CLEC18B: variants seen among roughly 807,000 people sequenced by gnomAD.
CLEC18B encodes the protein mannose receptor-like 2.
In CLEC18B, 5 loss-of-function variants were observed where a neutral mutation model predicts 60.4. That is an observed-to-expected ratio of 0.08 (90% CI 0.04 to 0.17). The LOEUF is 0.17. Among genes scored for constraint, CLEC18B ranks in the 10% least tolerant of loss-of-function variants. CLEC18B has a pLI of 1.00. For missense variants in CLEC18B, 26 were observed against 572.8 expected (o/e 0.05, Z 9.74); for synonymous variants, 16 against 221.2 (o/e 0.07, Z 8.23).
chr16:74,413,353 G>C (rs1181450967), intron 4 of CLEC18B, among the ~76,000 whole-genome samples, 195 bp from the exon 5 acceptor site: 2 of 152,268 alleles, frequency 1.3e-5, no homozygotes, highest in Admixed American at 1.3e-4. Context: ...CAAACTCCCT[G>C]ATACCAGGAC....
upstream of CLEC18B, chr16:74,421,542 C>T (rs1230814612): frequency 2.0e-5 from 9 of 451,936 alleles, no homozygotes; most frequent in East Asian, 4.9e-4. Context: ...CGACAGCAGG[C>T]AGAGTGGCGT....
chr16:74,420,880 C>T (rs1327724147), intron 1 of CLEC18B, among the ~76,000 whole-genome samples: 1 of 118,478 alleles, frequency 8.4e-6, no homozygotes, highest in East Asian at 2.8e-4. Context: ...CTCCGGGCCA[C>T]GGATTTCTCC....
intron 2 of CLEC18B, among the ~76,000 whole-genome samples, chr16:74,419,158 C>T (rs903720563): frequency 6.6e-6 from 1 of 152,266 alleles, no homozygotes; most frequent in Non-Finnish European, 1.5e-5. Flanking sequence ...GTGCAGTCCC[C>T]TGATCTCCCG....
intron 2 of CLEC18B, among the ~76,000 whole-genome samples, chr16:74,418,961 T>G (rs1181675502): frequency 1.3e-5 from 2 of 152,190 alleles, no homozygotes; most frequent in Non-Finnish European, 2.9e-5. Context: ...ACCTGGCTAA[T>G]TTTTGTATTT....
intron 3 of CLEC18B, among the ~76,000 whole-genome samples, chr16:74,417,086 G>GA (rs1256577651): frequency 6.7e-6 from 1 of 149,554 alleles, no homozygotes; most frequent in African/African-American, 2.4e-5. Context: ...CCAACATGGT[G>GA]AAACCCTATC....
upstream of CLEC18B, among the ~76,000 whole-genome samples, chr16:74,423,522 C>T (rs1216109506): frequency 1.3e-5 from 2 of 152,376 alleles, no homozygotes; most frequent in African/African-American, 4.8e-5. Context: ...AATCCTGTCT[C>T]TACTAAAAAT....
intron 2 of CLEC18B, among the ~76,000 whole-genome samples, chr16:74,419,945 C>T (rs1377132535): frequency 6.6e-6 from 1 of 152,220 alleles, no homozygotes; most frequent in Non-Finnish European, 1.5e-5. Context: ...CCCGCAGCCC[C>T]AGCCGGGCTG....
At chr16:74,412,506 CAAG>C in intron 6 of CLEC18B, 1 of 767,434 alleles carries the variant, frequency 1.3e-6, no homozygotes, top group Non-Finnish European at 2.2e-6. Flanking sequence ...GGCAGTAGGG[CAAG>C]AATCCACTTC....
chr16:74,411,935 CT>C, intron 7 of CLEC18B, 160 bp from the exon 8 acceptor site: 1 of 1,344,382 alleles, frequency 7.4e-7, no homozygotes, highest in East Asian at 2.4e-5. Context: ...GAATATTGAG[CT>C]TGCTCTCTCT....
rs200102305 is a variant in CLEC18B at position 74,409,374 on chromosome 16, G to A, written c.1303+176C>T. Reference sequence around the variant, plus strand: ...GCTGTATGAAGCTGGGCCCGTCATTGCCCCTCTGGGCTCAGGAGCCCACAG... The same window carrying A: ...GCTGTATGAAGCTGGGCCCGTCATTACCCCTCTGGGCTCAGGAGCCCACAG... On this transcript the variant is annotated intron_variant, in intron 11 of 11. Transcript: ENST00000682950. Among the ~76,000 whole-genome samples the A allele has an allele frequency of 0.034, 4,080 of 120,410 alleles. No individual in the cohort carries two copies. Among genetic ancestry groups the A allele is most frequent in the Admixed American group, 0.054 (622 of 11,544 alleles). The allele number at this position is 120,410 out of a possible 152,430, so 79.0% of individuals were successfully genotyped here. A position where few individuals can be genotyped will look rare whatever the true frequency, so the allele number is the denominator to read the frequency against.
chr16:74,419,981 C>G, intron 2 of CLEC18B, among the ~76,000 whole-genome samples: 1 of 152,282 alleles, frequency 6.6e-6, no homozygotes, highest in South Asian at 2.1e-4. Flanking sequence ...CCCCCGACCC[C>G]TGGCCCCTGC....
At chr16:74,419,249 G>A (rs539416410) in intron 2 of CLEC18B, among the ~76,000 whole-genome samples, 92 of 152,172 alleles carry the variant, frequency 6.0e-4, no homozygotes, top group African/African-American at 2.0e-3. Flanking sequence ...GATGCAGGGA[G>A]GGGGGCCCCT....
At chr16:74,413,904 C>T (rs1369472708) in intron 3 of CLEC18B, among the ~76,000 whole-genome samples, 8 of 146,220 alleles carry the variant, frequency 5.5e-5, no homozygotes, top group Non-Finnish European at 4.6e-5. Flanking sequence ...TGGAGTTTTG[C>T]TCTTGTTGCC....
upstream of CLEC18B, among the ~76,000 whole-genome samples, chr16:74,424,107 C>A (rs1447085105): frequency 3.9e-5 from 6 of 152,360 alleles, no homozygotes; most frequent in Admixed American, 1.3e-4. Flanking sequence ...TCACCTGTGT[C>A]TCTATCTATC....
upstream of CLEC18B, among the ~76,000 whole-genome samples, chr16:74,423,940 G>C (rs1382390727): frequency 6.6e-6 from 1 of 152,184 alleles, no homozygotes; most frequent in Non-Finnish European, 1.5e-5. Flanking sequence ...CTCCCTCCTG[G>C]GTTCAGACTT....
upstream of CLEC18B, chr16:74,421,491 G>T (rs1170384826): frequency 3.7e-6 from 2 of 533,360 alleles, no homozygotes; most frequent in South Asian, 2.1e-5. Context: ...AACTCCCGGG[G>T]ATGCCTGCCT....
At chr16:74,421,695 T>C (rs2013694914), upstream of CLEC18B, 1 of 317,928 alleles carries the variant, frequency 3.1e-6, no homozygotes, top group Non-Finnish European at 5.8e-6. Context: ...GACAGTGTCC[T>C]CCGAGCCCAC....
upstream of CLEC18B, among the ~76,000 whole-genome samples, chr16:74,423,904 G>A (rs2013758591): frequency 6.6e-6 from 1 of 152,212 alleles, no homozygotes; most frequent in Admixed American, 6.5e-5. Context: ...CCCTAACCAG[G>A]GCATTGCAAC....
chr16:74,413,627 G>C lies in CLEC18B; in HGVS notation c.506C>G (p.Ser169Cys), dbSNP rs1440210538. Residue 169 changes from serine to cysteine, a missense_variant, in exon 4 of 12, where the codon TCT (serine) becomes TGT (cysteine). Physicochemically the swap from Ser to Cys is moderately radical, Grantham distance 112. Transcript: ENST00000682950. Reference sequence around the variant, plus strand: ...GGCTTCTATCGCTGTCTGGCCTGCAGAGCACAGGTGCCGCCCACAGCCCAG... The same window carrying C: ...GGCTTCTATCGCTGTCTGGCCTGCACAGCACAGGTGCCGCCCACAGCCCAG... ...SQLGCGRHLC[S>C]AGQTAIEAFV... 6.2e-7 allele frequency: 1 copy of C among 1,614,072 alleles called. No individual in the cohort carries two copies. Among genetic ancestry groups the C allele is most frequent in the Admixed American group, 1.7e-5 (1 of 60,024 alleles).
Sources: allele counts gnomAD v4.1 joint callset (sites outside exome capture counted in the v4.1 genomes callset), GRCh38; gene constraint gnomAD v4.1.1; transcripts MANE v1.5; gene names NCBI Gene and HGNC (gene_info 2026-07-23, HGNC 2026-07-21).